CLASP1: variants seen among roughly 807,000 people sequenced by gnomAD.
CLASP1 encodes the protein cytoplasmic linker associated protein 1, also known as CLIP-associating protein 1.
Under a neutral mutation model 192.3 loss-of-function variants are expected in CLASP1, and 38 were observed. That is an observed-to-expected ratio of 0.20 (90% CI 0.15 to 0.26). The LOEUF is 0.26. Among genes scored for constraint, CLASP1 ranks in the 10% least tolerant of loss-of-function variants. The pLI is 1.00. For missense variants in CLASP1, 1,433 were observed against 1,932.5 expected (o/e 0.74, Z 4.85); for synonymous variants, 691 against 712.8 (o/e 0.97, Z 0.49).
chr2:121,648,806 T>G (rs998485815), intron 1 of CLASP1, among the ~76,000 whole-genome samples: 1 of 152,200 alleles, frequency 6.6e-6, no homozygotes, highest in Admixed American at 6.5e-5. Flanking sequence ...AAGGGGACCT[T>G]GTGCATCCCA....
At chr2:121,599,003 T>C (rs2063464789) in intron 2 of CLASP1, among the ~76,000 whole-genome samples, 1 of 152,114 alleles carries the variant, frequency 6.6e-6, no homozygotes, top group African/African-American at 2.4e-5. Flanking sequence ...TAGCTGGGAC[T>C]ATACGTGCGT....
chr2:121,353,778 G>A (rs961332432), intron 37 of CLASP1, among the ~76,000 whole-genome samples: 7 of 146,362 alleles, frequency 4.8e-5, no homozygotes, highest in South Asian at 2.1e-4. Context: ...CATAGTGTGC[G>A]TGTGCACATG....
At chr2:121,517,858 CTTTTTTTTTTTTTTT>C (rs70954553) in intron 6 of CLASP1, among the ~76,000 whole-genome samples, 81 of 30,828 alleles carry the variant, frequency 2.6e-3, no homozygotes, top group African/African-American at 0.011. Flanking sequence ...AAGACTCAAG[CTTTTTTTTTTTTTTT>C]TTTTTTTTTT....
intron 19 of CLASP1, among the ~76,000 whole-genome samples, chr2:121,441,670 G>A (rs997978364): frequency 3.9e-5 from 6 of 152,126 alleles, no homozygotes; most frequent in African/African-American, 1.4e-4. Context: ...CTTGAGCCTG[G>A]CAGGTCAAGG....
At chr2:121,526,045 C>T in intron 5 of CLASP1, 125 bp from the exon 6 acceptor site, 1 of 686,400 alleles carries the variant, frequency 1.5e-6, no homozygotes, top group South Asian at 1.7e-5. Context: ...CCAAGTCTCT[C>T]TCCATCCCAT....
At chr2:121,436,071 A>G (rs1234660006) in intron 19 of CLASP1, among the ~76,000 whole-genome samples, 1 of 149,484 alleles carries the variant, frequency 6.7e-6, no homozygotes, top group Non-Finnish European at 1.5e-5. Flanking sequence ...TTACTCTGTC[A>G]CCCAGGTTGG....
intron 39 of CLASP1, 89 bp downstream of exon 40, chr2:121,346,949 G>T: frequency 1.3e-6 from 1 of 774,072 alleles, no homozygotes; most frequent in Non-Finnish European, 2.1e-6. Flanking sequence ...AACAAAACCT[G>T]TCTGGAATCC....
intron 1 of CLASP1, among the ~76,000 whole-genome samples, chr2:121,623,562 G>C (rs2067767654): frequency 6.6e-6 from 1 of 152,234 alleles, no homozygotes; most frequent in African/African-American, 2.4e-5. Flanking sequence ...AAACTGGAAA[G>C]TAATACCTCT....
At chr2:121,571,880 G>C (rs1227360545) in intron 2 of CLASP1, among the ~76,000 whole-genome samples, 1 of 152,036 alleles carries the variant, frequency 6.6e-6, no homozygotes, top group Non-Finnish European at 1.5e-5. Flanking sequence ...TTCTTGTTTA[G>C]GCAGCAGAGA....
intron 20 of CLASP1, among the ~76,000 whole-genome samples, chr2:121,428,902 A>C (rs2080905723): frequency 6.6e-6 from 1 of 152,166 alleles, no homozygotes; most frequent in Non-Finnish European, 1.5e-5. Flanking sequence ...TTATCACTCA[A>C]TTTACAGACA....
intron 1 of CLASP1, among the ~76,000 whole-genome samples, chr2:121,635,203 C>T (rs958203956): frequency 7.3e-6 from 1 of 136,916 alleles, no homozygotes; most frequent in African/African-American, 3.2e-5. Context: ...AGCGAGATTG[C>T]GTCTGTAAAA....
Position 121,528,930 on chromosome 2 carries a change from A to G in CLASP1, c.275-150T>C, listed in dbSNP as rs2094659807. 9.0e-6 allele frequency: 6 copies of G among 664,978 alleles called. No homozygotes were observed. In the Admixed American group the frequency reaches 1.5e-4, roughly 17 times the overall value. 41.2% of individuals were successfully genotyped at this position (664,978 alleles called of 1,614,324 possible). A position where few individuals can be genotyped will look rare whatever the true frequency, so the allele number is the denominator to read the frequency against. ...ACCACTCATCTTTGCTCACAGCTCT[A>G]CTCTCCTTGCTGAAGTCCATGAAAG... On this transcript the variant is annotated intron_variant, in intron 3 of 39. Transcript: ENST00000263710.
intron 19 of CLASP1, among the ~76,000 whole-genome samples, chr2:121,435,749 G>C (rs561219440): frequency 6.6e-6 from 1 of 152,180 alleles, no homozygotes; most frequent in South Asian, 2.1e-4. Flanking sequence ...AATTTTAAGG[G>C]CTCCCTCCTT....
At chr2:121,397,246 G>A (rs1297349871) in exon 30 of CLASP1, 1 of 1,613,714 alleles carries the variant, frequency 6.2e-7, no homozygotes, top group Non-Finnish European at 8.5e-7. Flanking sequence ...CATCTGTCTG[G>A]CCAGAGACTC....
chr2:121,431,393 G>A (rs1000217268), intron 19 of CLASP1, among the ~76,000 whole-genome samples: 1 of 152,080 alleles, frequency 6.6e-6, no homozygotes, highest in Non-Finnish European at 1.5e-5. Flanking sequence ...TTTTACAGAT[G>A]AGAAAACCGA....
At position 121,577,471 on chromosome 2, in the gene CLASP1, G is replaced by C. The variant is rs555798137; in HGVS notation, c.195+28230C>G. Among the ~76,000 whole-genome samples the C allele has an allele frequency of 3.6e-4, 55 of 152,164 alleles. No individual in the cohort carries two copies. In the South Asian group the frequency reaches 9.3e-3, roughly 26 times the overall value. ...ACTGAGTAAAACAAAACAACAAACA[G>C]GCTATAGAATAGCATATATGGTGAA... On this transcript the variant is annotated intron_variant, in intron 2 of 39. Transcript: ENST00000263710.
intron 20 of CLASP1, among the ~76,000 whole-genome samples, chr2:121,427,935 G>C (rs139995301): frequency 5.3e-5 from 8 of 152,090 alleles, no homozygotes; most frequent in Non-Finnish European, 1.0e-4. Flanking sequence ...ATGAATACTA[G>C]TATATCTACA....
At chr2:121,358,857 G>A (rs2065866434) in intron 37 of CLASP1, among the ~76,000 whole-genome samples, 1 of 152,236 alleles carries the variant, frequency 6.6e-6, no homozygotes, top group Non-Finnish European at 1.5e-5. Context: ...ACCTTTGTGT[G>A]TGTAGCAAGA....
intron 37 of CLASP1, among the ~76,000 whole-genome samples, chr2:121,359,326 G>A (rs2065935183): frequency 6.6e-6 from 1 of 152,204 alleles, no homozygotes; most frequent in Admixed American, 6.5e-5. Context: ...ATACTAAGAT[G>A]ATGAAACTGG....
Sources: allele counts gnomAD v4.1 joint callset (sites outside exome capture counted in the v4.1 genomes callset), GRCh38; gene constraint gnomAD v4.1.1; transcripts MANE v1.5; gene names NCBI Gene and HGNC (gene_info 2026-07-23, HGNC 2026-07-21).